PCDH11X: variants seen among roughly 807,000 people sequenced by gnomAD.
PCDH11X encodes the protein protocadherin 11 X-linked.
PCDH11X carries 18 observed loss-of-function variants against 53.3 expected under a neutral mutation model. The ratio of observed to expected loss-of-function variants is 0.34; its 90% CI spans 0.23 to 0.50. The LOEUF (loss-of-function observed/expected upper bound fraction) is 0.50, where lower values mean the gene tolerates loss of function less well. PCDH11X is among the 20% of genes least tolerant of loss of function. PCDH11X has a pLI of 0.98. For missense variants in PCDH11X, 570 were observed against 1,032.4 expected (o/e 0.55, Z 6.14); for synonymous variants, 279 against 393.3 (o/e 0.71, Z 3.44).
chrX:92,396,087 T>C (rs1250819343), intron 9 of PCDH11X, among the ~76,000 whole-genome samples: 2 of 104,842 alleles, frequency 1.9e-5, no homozygotes, highest in Non-Finnish European at 3.9e-5. Flanking sequence ...TGAATGATAA[T>C]GATCTCTATG....
At chrX:92,489,756 T>C (rs1411935200) in intron 10 of PCDH11X, among the ~76,000 whole-genome samples, 1 of 105,634 alleles carries the variant, frequency 9.5e-6, no homozygotes, top group Non-Finnish European at 1.9e-5. Flanking sequence ...AAAATTTATA[T>C]ATATATATAA....
intron 8 of PCDH11X, among the ~76,000 whole-genome samples, chrX:92,374,166 A>C (rs777641261): frequency 1.8e-5 from 2 of 109,799 alleles, no homozygotes; most frequent in East Asian, 5.7e-4. Flanking sequence ...TTGCATTTTC[A>C]AAACCTCACT....
intron 8 of PCDH11X, among the ~76,000 whole-genome samples, chrX:92,284,811 A>G (rs1173133709): frequency 2.7e-5 from 3 of 112,171 alleles, no homozygotes; most frequent in African/African-American, 9.7e-5. Context: ...TTGCAGAAGC[A>G]TCTAAAAATG....
At chrX:92,035,426 A>G (rs1420495255) in intron 6 of PCDH11X, among the ~76,000 whole-genome samples, 1 of 108,925 alleles carries the variant, frequency 9.2e-6, no homozygotes, top group African/African-American at 3.3e-5. Flanking sequence ...TTATCTGGTA[A>G]AAGTTTTTTC....
At chrX:92,506,216 C>CTTTTTTCTT (rs2074055575) in intron 10 of PCDH11X, among the ~76,000 whole-genome samples, 2 of 40,209 alleles carry the variant, frequency 5.0e-5, no homozygotes, top group Non-Finnish European at 4.1e-5. Flanking sequence ...CTTTTCTTTT[C>CTTTTTTCTT]TTTTTTTTTT....
intron 8 of PCDH11X, among the ~76,000 whole-genome samples, chrX:92,346,640 A>G (rs1166866090): frequency 2.7e-5 from 3 of 112,239 alleles, no homozygotes; most frequent in Non-Finnish European, 5.7e-5. Context: ...ATAAATGCCC[A>G]TGCATCTTGA....
At chrX:92,574,670 G>A (rs1040789583) in intron 10 of PCDH11X, among the ~76,000 whole-genome samples, 23 of 111,078 alleles carry the variant, frequency 2.1e-4, no homozygotes, top group African/African-American at 5.9e-4. Context: ...TAATTTAATT[G>A]TTGTTTCCTC....
chrX:92,412,228 G>A (rs2148603701), intron 9 of PCDH11X, among the ~76,000 whole-genome samples: 1 of 108,074 alleles, frequency 9.3e-6, no homozygotes, highest in African/African-American at 3.3e-5. Flanking sequence ...ACCTTCAACT[G>A]CTTAAGCTGA....
intron 7 of PCDH11X, among the ~76,000 whole-genome samples, chrX:92,260,635 T>G (rs181005570): frequency 5.5e-4 from 61 of 111,681 alleles, no homozygotes; most frequent in African/African-American, 1.9e-3. Context: ...TTTTCCTTTT[T>G]GGGGCAACTA....
At chrX:91,945,068 T>TATATATATATATATATATATATA (rs61515084) in intron 6 of PCDH11X, among the ~76,000 whole-genome samples, 6 of 89,995 alleles carry the variant, frequency 6.7e-5, no homozygotes, top group Non-Finnish European at 1.1e-4. Flanking sequence ...TATATATATA[T>TATATATATATATATATATATATA]TCTTAAATGT....
intron 6 of PCDH11X, among the ~76,000 whole-genome samples, chrX:92,104,216 G>T (rs1345966138): frequency 9.0e-6 from 1 of 110,656 alleles, no homozygotes; most frequent in Non-Finnish European, 1.9e-5. Context: ...AGGAGGGGAG[G>T]CGATAAAAAG....
At chrX:91,951,239 A>G (rs1447895246) in intron 6 of PCDH11X, among the ~76,000 whole-genome samples, 1 of 110,400 alleles carries the variant, frequency 9.1e-6, no homozygotes, top group Non-Finnish European at 1.9e-5. Context: ...TTTGCTATGG[A>G]ACACTGTGCA....
intron 9 of PCDH11X, among the ~76,000 whole-genome samples, chrX:92,392,707 T>C (rs930703807): frequency 3.6e-5 from 4 of 110,348 alleles, no homozygotes; most frequent in African/African-American, 1.3e-4. Context: ...TTTAAAAGAA[T>C]AAGCTAGTAA....
chrX:92,443,591 T>A (rs1211404184), intron 9 of PCDH11X, among the ~76,000 whole-genome samples: 2 of 110,329 alleles, frequency 1.8e-5, no homozygotes, highest in Admixed American at 1.9e-4. Flanking sequence ...AGCCATAAAT[T>A]ATATCCCAAG....
intron 8 of PCDH11X, among the ~76,000 whole-genome samples, chrX:92,382,271 A>T (rs1041062047): frequency 1.8e-5 from 2 of 111,834 alleles, no homozygotes; most frequent in Non-Finnish European, 3.8e-5. Flanking sequence ...ACTCTTTCTA[A>T]TCAGAGTTAC....
intron 6 of PCDH11X, among the ~76,000 whole-genome samples, chrX:92,171,852 C>T (rs1215943816): frequency 9.0e-6 from 1 of 111,142 alleles, no homozygotes; most frequent in African/African-American, 3.3e-5. Flanking sequence ...GATCTATGAA[C>T]ATGGTACACC....
At chrX:92,020,395 C>G (rs2062865186) in intron 6 of PCDH11X, among the ~76,000 whole-genome samples, 1 of 112,073 alleles carries the variant, frequency 8.9e-6, no homozygotes, top group African/African-American at 3.2e-5. Flanking sequence ...CAAGAGGTAT[C>G]CCCCACAGCC....
chrX:91,996,113 T>A (rs1302756313), intron 6 of PCDH11X, among the ~76,000 whole-genome samples: 3 of 105,401 alleles, frequency 2.8e-5, no homozygotes, highest in African/African-American at 1.0e-4. Context: ...AGTGCTGGGA[T>A]TACAGGCATG....
intron 9 of PCDH11X, among the ~76,000 whole-genome samples, chrX:92,398,978 G>A (rs2071316037): frequency 1.8e-5 from 2 of 109,581 alleles, no homozygotes; most frequent in African/African-American, 6.7e-5. Context: ...GGATCACGAG[G>A]TCAGGAGATT....
Sources: allele counts gnomAD v4.1 joint callset (sites outside exome capture counted in the v4.1 genomes callset), GRCh38; gene constraint gnomAD v4.1.1; transcripts MANE v1.5; gene names NCBI Gene and HGNC (gene_info 2026-07-23, HGNC 2026-07-21).